Variants in SH3TC2 observed in about 807,000 individuals in gnomAD.
SH3TC2 encodes the protein SH3 domain and tetratricopeptide repeats 2.
Under a neutral mutation model 124.5 loss-of-function variants are expected in SH3TC2, and 87 were observed. The observed-to-expected ratio is 0.70, with a 90% CI of 0.59 to 0.84. The LOEUF is 0.84. SH3TC2 is among the 40% of genes least tolerant of loss of function. The pLI is 0.00. For synonymous variants in SH3TC2, 634 were observed against 628.5 expected, an observed-to-expected ratio of 1.01 and a Z score of -0.13; for missense variants, 1,536 against 1,566.4, an observed-to-expected ratio of 0.98 and a Z score of 0.33.
At chr5:149,020,769 A>G (rs1753955022) in intron 12 of SH3TC2, among the ~76,000 whole-genome samples, 2 of 152,194 alleles carry the variant, frequency 1.3e-5, no homozygotes, top group African/African-American at 4.8e-5. Flanking sequence ...TTATAAATAT[A>G]TATGCAGCAC....
chr5:149,048,761 GA>G (rs978941993), intron 2 of SH3TC2, among the ~76,000 whole-genome samples: 5 of 152,028 alleles, frequency 3.3e-5, no homozygotes, highest in African/African-American at 1.2e-4. Context: ...AGAGCGCTAT[GA>G]AAAAAAATTA....
At chr5:149,015,897 T>G (rs924481611) in intron 12 of SH3TC2, among the ~76,000 whole-genome samples, 2 of 152,208 alleles carry the variant, frequency 1.3e-5, no homozygotes, top group African/African-American at 4.8e-5. Context: ...ATTTTCTCAT[T>G]TAATCCCCAT....
Position 148,987,297 on chromosome 5 carries a change from G to A in SH3TC2, c.*17414C>T, listed in dbSNP as rs1191138062. Among the ~76,000 whole-genome samples, 2 of 152,204 alleles carry A rather than the reference G, an allele frequency of 1.3e-5. No homozygotes were observed. Among genetic ancestry groups the A allele is most frequent in the Non-Finnish European group, 2.9e-5 (2 of 68,036 alleles). The stretch of plus-strand genomic sequence containing the variant: ...GGGAATGTTCAGGAATATTCTCATT[G>A]GATTGCAAGTGCCAAGAGGACAAGA... On this transcript the variant is annotated 3_prime_UTR_variant, in exon 17 of 17. Transcript: ENST00000515425.
intron 13 of SH3TC2, 21 bp downstream of exon 13, chr5:149,012,563 A>G: frequency 6.2e-7 from 1 of 1,614,076 alleles, no homozygotes; most frequent in Non-Finnish European, 8.5e-7. Flanking sequence ...CAACTCCCAG[A>G]GAGCTCTGCA....
intron 12 of SH3TC2, among the ~76,000 whole-genome samples, chr5:149,019,245 T>C (rs1353555899): frequency 1.3e-5 from 2 of 152,150 alleles, no homozygotes; most frequent in Non-Finnish European, 2.9e-5. Flanking sequence ...CACCCCCGGG[T>C]GCATAGAAAC....
chr5:149,036,884 C>T (rs1235750174), intron 8 of SH3TC2, among the ~76,000 whole-genome samples: 1 of 152,142 alleles, frequency 6.6e-6, no homozygotes, highest in Non-Finnish European at 1.5e-5. Context: ...AGTGGCCTTC[C>T]TCTCCATTCT....
chr5:149,051,082 G>A (rs1033995898), intron 2 of SH3TC2, among the ~76,000 whole-genome samples: 10 of 152,178 alleles, frequency 6.6e-5, no homozygotes, highest in Admixed American at 2.6e-4. Flanking sequence ...CCCATCTACC[G>A]TACAACAGAA....
chr5:148,990,542 T>C lies in SH3TC2; in HGVS notation c.*14169A>G, dbSNP rs764194691. 3.3e-5 allele frequency among the ~76,000 whole-genome samples: 5 copies of C among 152,172 alleles called. No individual in the cohort carries two copies. The highest frequency in any genetic ancestry group is 6.6e-5 in the Admixed American group (1 of 15,266). ...AGCATGGGCCCTTGGACCAGATCAATTGAATGCAAATTCTGCCCCTGCTAC... is the reference window on the plus strand; with the variant it reads ...AGCATGGGCCCTTGGACCAGATCAACTGAATGCAAATTCTGCCCCTGCTAC... On this transcript the variant is annotated 3_prime_UTR_variant, in exon 17 of 17. Coordinates refer to ENST00000515425, the MANE Select transcript of SH3TC2 (RefSeq NM_024577.4).
At position 149,051,819 on chromosome 5, in the gene SH3TC2, T is replaced by G. The variant is rs535771905; in HGVS notation, c.151+323A>C. Among the ~76,000 whole-genome samples the G allele has an allele frequency of 5.3e-5, 8 of 152,320 alleles. No homozygotes were observed. The East Asian group carries it at 1.5e-3, about 29-fold the overall frequency. Reference sequence around the variant, plus strand: ...GTATGAACAACTCTTTGAGGTACCATGTTGAATATAAATATTTTTAATTAC... The same window carrying G: ...GTATGAACAACTCTTTGAGGTACCAGGTTGAATATAAATATTTTTAATTAC... On this transcript the variant is annotated intron_variant, in intron 2 of 16. Coordinates refer to ENST00000515425, the MANE Select transcript of SH3TC2 (RefSeq NM_024577.4).
rs1328138707 is a variant in SH3TC2 at position 148,985,063 on chromosome 5, T to G, written c.*19648A>C. ...AAGCTAATCTGGTTAACTGAGACTC[T>G]TCTTGATAGAACTTTTATTGGTTCT... On this transcript the variant is annotated 3_prime_UTR_variant, in exon 17 of 17. Coordinates refer to ENST00000515425, the MANE Select transcript of SH3TC2 (RefSeq NM_024577.4). Among the ~76,000 whole-genome samples the G allele has an allele frequency of 6.6e-6, 1 of 152,086 alleles. No homozygotes were observed. The highest frequency in any genetic ancestry group is 2.4e-5 in the African/African-American group (1 of 41,408).
rs753675061 is a variant in SH3TC2, at chr5:148,983,441, A to G, written c.*21270T>C. Among the ~76,000 whole-genome samples, 1 of 152,182 alleles carries G rather than the reference A, an allele frequency of 6.6e-6. No homozygotes were observed. The highest frequency in any genetic ancestry group is 1.5e-5 in the Non-Finnish European group (1 of 68,034). On this transcript the variant is annotated 3_prime_UTR_variant, in exon 17 of 17. Transcript: ENST00000515425. ...AGCACCAAGAAAAAATTTGCTGGGA[A>G]TAGGAGCATCTTGTTAGATGCATGC...
In SH3TC2 at chr5:149,040,683, A is replaced by G. The variant is rs1554122676; in HGVS notation, c.732-6T>C. ...GATAATTCTTTAGGAACCACCTGCCAATGAAAACATGGGGTTTGCAAACAC... is the reference window on the plus strand; with the variant it reads ...GATAATTCTTTAGGAACCACCTGCCGATGAAAACATGGGGTTTGCAAACAC... On this transcript the variant is annotated splice_region_variant and splice_polypyrimidine_tract_variant and intron_variant, in intron 6 of 16. Transcript: ENST00000515425. The G allele has an allele frequency of 1.2e-6, 2 of 1,614,008 alleles. No individual in the cohort carries two copies. The highest frequency in any genetic ancestry group is 1.7e-6 in the Non-Finnish European group (2 of 1,179,852).
At position 149,044,336 on chromosome 5, in the gene SH3TC2, C is replaced by T. The variant is rs140081959; in HGVS notation, c.385+197G>A. 0.022 allele frequency: 11,726 copies of T among 542,518 alleles called. 172 individuals are homozygous for T. Among genetic ancestry groups the T allele is most frequent in the Admixed American group, 0.054 (1,755 of 32,390 alleles). 33.6% of individuals were successfully genotyped at this position (542,518 alleles called of 1,614,324 possible). On this transcript the variant is annotated intron_variant, in intron 4 of 16. Coordinates refer to ENST00000515425, the MANE Select transcript of SH3TC2 (RefSeq NM_024577.4). ...ACACAAAAAAGCAAACTTCTTCATA[C>T]GGCATTTTAGAATAATAGTTAATAT...
intron 12 of SH3TC2, among the ~76,000 whole-genome samples, chr5:149,021,484 T>A (rs1241255733): frequency 6.6e-6 from 1 of 151,908 alleles, no homozygotes; most frequent in Non-Finnish European, 1.5e-5. Context: ...AAGCCAAAAT[T>A]TAATTTGTTT....
intron 3 of SH3TC2, chr5:149,047,601 C>T (rs756642916): frequency 8.9e-6 from 4 of 450,654 alleles, no homozygotes; most frequent in Non-Finnish European, 1.7e-5. Flanking sequence ...AGTAACTTGT[C>T]AAAGATCACA....
intron 5 of SH3TC2, among the ~76,000 whole-genome samples, chr5:149,041,932 G>T (rs1206585998): frequency 6.6e-6 from 1 of 152,134 alleles, no homozygotes; most frequent in East Asian, 1.9e-4. Flanking sequence ...ATATTTAATA[G>T]AATTTCATTT....
chr5:149,015,246 A>G (rs1753851803), intron 12 of SH3TC2, among the ~76,000 whole-genome samples: 1 of 152,200 alleles, frequency 6.6e-6, no homozygotes, highest in Non-Finnish European at 1.5e-5. Flanking sequence ...AGACTTGCAC[A>G]TGATCTATGA....
At chr5:149,042,549 C>A (rs550494087) in intron 5 of SH3TC2, 145 bp downstream of exon 5, 2 of 974,158 alleles carry the variant, frequency 2.1e-6, no homozygotes, top group East Asian at 5.0e-5. Flanking sequence ...GAGGAATGTT[C>A]AAAGTACTAT....
In SH3TC2 at chr5:148,997,922, T is replaced by C. The variant is rs1170717998; in HGVS notation, c.*6789A>G. ...CATTAACCTCAACTGTTATTTTTAT[T>C]TTGAGATGTACACACTCTCTGGTCT... On this transcript the variant is annotated 3_prime_UTR_variant, in exon 17 of 17. Coordinates refer to ENST00000515425, the MANE Select transcript of SH3TC2 (RefSeq NM_024577.4). Among the ~76,000 whole-genome samples, 2 of 152,210 alleles carry C rather than the reference T, an allele frequency of 1.3e-5. No homozygotes were observed. Among genetic ancestry groups the C allele is most frequent in the Non-Finnish European group, 2.9e-5 (2 of 68,032 alleles).
Sources: gnomAD v4.1 joint callset for allele counts (sites outside exome capture counted in the v4.1 genomes callset) on GRCh38, gnomAD v4.1.1 for gene constraint, MANE v1.5 for transcripts, NCBI Gene and HGNC (gene_info 2026-07-23, HGNC 2026-07-21) for gene names.